Variants in CENPM observed in about 807,000 individuals in gnomAD.
CENPM encodes interphase centromere complex protein 39.
In CENPM, 14 loss-of-function variants were observed where a neutral mutation model predicts 19.6. The ratio of observed to expected loss-of-function variants is 0.71; its 90% CI spans 0.47 to 1.11. The LOEUF (loss-of-function observed/expected upper bound fraction) is 1.11, where lower values mean the gene tolerates loss of function less well. CENPM is among the 50% of genes most tolerant of loss of function. The pLI, the probability that CENPM is intolerant of heterozygous loss-of-function variation, is 0.00. For synonymous variants in CENPM, 114 were observed against 101.5 expected (o/e 1.12, Z -0.74); for missense variants, 239 against 228.4 (o/e 1.05, Z -0.30).
chr22:41,942,153 G>A (rs1319358759), intron 5 of CENPM, among the ~76,000 whole-genome samples: 5 of 152,206 alleles, frequency 3.3e-5, no homozygotes, highest in Non-Finnish European at 7.3e-5. Context: ...TCTTCGAAAT[G>A]TATCTCAAAA....
chr22:41,928,835 C>T, the CENPM span, among the ~76,000 whole-genome samples: 1 of 148,862 alleles, frequency 6.7e-6, no homozygotes. This position sits in a 1 kb window ranked among gnomAD's most constrained non-coding sequence, Gnocchi z 4.0. Flanking sequence ...GCACTGTGGC[C>T]CACGTCCAGG....
In CENPM at chr22:41,945,225, C is replaced by T. The variant is rs1362764438; in HGVS notation, c.310G>A (p.Ala104Thr). Residue 104 changes from alanine (A) to threonine (T), a missense_variant and splice_region_variant, in exon 4 of 6, where the codon GCT becomes ACT. Coordinates refer to ENST00000215980, the MANE Select transcript of CENPM (RefSeq NM_024053.5). ...LGKVCFLATGAGRESHCSIHR... is the reference protein window; with the variant it reads ...LGKVCFLATGTGRESHCSIHR... ...AGTAACAGGCGAGGAACGTACTTAC[C>T]ACCTGTGGCGAGGAAACACACCTTC... The T allele has an allele frequency of 6.2e-7, 1 of 1,613,962 alleles. No individual in the cohort carries two copies. Among genetic ancestry groups the T allele is most frequent in the Admixed American group, 1.7e-5 (1 of 60,000 alleles).
At chr22:41,931,518 TGG>T in the CENPM span, among the ~76,000 whole-genome samples, 1 of 151,988 alleles carries the variant, frequency 6.6e-6, no homozygotes, top group Non-Finnish European at 1.5e-5. Flanking sequence ...CAAGATAGTT[TGG>T]GGTCTTCAGA....
intron 3 of CENPM, 147 bp from the exon 4 acceptor site, chr22:41,945,451 T>G: frequency 7.4e-7 from 1 of 1,347,534 alleles, no homozygotes; most frequent in Non-Finnish European, 9.7e-7. Flanking sequence ...CCTTTAATTT[T>G]TTTTTTTTTT....
At position 41,947,019 on chromosome 22, in the gene CENPM, C is replaced by G. The variant is rs1369841193; in HGVS notation, c.57+1G>C. 5 of 1,612,822 alleles carry G rather than the reference C, an allele frequency of 3.1e-6. No homozygotes were observed. The Admixed American group carries it at 5.0e-5, about 16-fold the overall frequency. ...GGGGAAGCAGGGCCGCCTGCACCTA[C>G]CAAGATGGTGGCCGTGTTCAGGCCG... is the stretch of plus-strand genomic sequence containing the variant. On this transcript the variant is annotated splice_donor_variant, in intron 1 of 5. Coordinates refer to ENST00000215980, the MANE Select transcript of CENPM (RefSeq NM_024053.5). LOFTEE classifies it high-confidence loss of function.
intron 4 of CENPM, chr22:41,944,764 C>T: frequency 1.0e-6 from 1 of 985,350 alleles, no homozygotes; most frequent in South Asian, 4.7e-5. Flanking sequence ...AGGCAGAGGC[C>T]AAACTGCAAA....
At chr22:41,945,372 G>T (rs1306017079) in intron 3 of CENPM, 68 bp from the exon 4 acceptor site, 1 of 1,600,758 alleles carries the variant, frequency 6.2e-7, no homozygotes. Flanking sequence ...GAAAGCAGAA[G>T]TCCTTGCTTC....
chr22:41,934,123 C>G (rs1283956567), downstream of CENPM, among the ~76,000 whole-genome samples: 1 of 152,198 alleles, frequency 6.6e-6, no homozygotes, highest in Non-Finnish European at 1.5e-5. Context: ...ACCACTTCCC[C>G]TCTGCAGCTG....
the CENPM span, among the ~76,000 whole-genome samples, chr22:41,929,268 C>T: frequency 1.3e-5 from 2 of 152,134 alleles, no homozygotes; most frequent in African/African-American, 2.4e-5. Context: ...CCCACATACA[C>T]GTCCATCCAT....
chr22:41,937,160 G>A (rs1419081268), downstream of CENPM, among the ~76,000 whole-genome samples: 2 of 152,126 alleles, frequency 1.3e-5, no homozygotes, highest in African/African-American at 4.8e-5. Context: ...TAGACCCAAG[G>A]GAGAAGGAAA....
At chr22:41,941,842 C>A (rs140836298) in intron 5 of CENPM, among the ~76,000 whole-genome samples, 1 of 152,202 alleles carries the variant, frequency 6.6e-6, no homozygotes, top group African/African-American at 2.4e-5. Context: ...GTATCATGAT[C>A]GATGCATCGA....
At chr22:41,946,221 C>A (rs2077799771) in intron 2 of CENPM, 196 bp downstream of exon 2, 1 of 648,310 alleles carries the variant, frequency 1.5e-6, no homozygotes, top group Middle Eastern at 3.4e-4. Context: ...CTGCCAGAAA[C>A]GGGCTCTGTT....
At chr22:41,932,681 G>A in the CENPM span, among the ~76,000 whole-genome samples, 1 of 152,220 alleles carries the variant, frequency 6.6e-6, no homozygotes, top group Non-Finnish European at 1.5e-5. This position sits in a 1 kb window ranked among gnomAD's most constrained non-coding sequence, Gnocchi z 4.3. Flanking sequence ...CAGCCCTTTA[G>A]CCACAGGGAG....
At chr22:41,936,652 C>T (rs1442353363), downstream of CENPM, among the ~76,000 whole-genome samples, 2 of 152,280 alleles carry the variant, frequency 1.3e-5, no homozygotes, top group African/African-American at 2.4e-5. Flanking sequence ...TTAGGCCGGC[C>T]GCGGTGACTC....
chr22:41,942,526 G>A (rs978442771), intron 5 of CENPM, among the ~76,000 whole-genome samples: 8 of 152,044 alleles, frequency 5.3e-5, no homozygotes, highest in African/African-American at 1.4e-4. Flanking sequence ...CGAGGCGGGC[G>A]GATCACGAGG....
In CENPM at chr22:41,939,053, C is replaced by A. The variant is rs1362878251; in HGVS notation, c.*3G>T. 2 of 1,612,658 alleles carry A rather than the reference C, an allele frequency of 1.2e-6. No homozygotes were observed. The highest frequency in any genetic ancestry group is 4.5e-5 in the East Asian group (2 of 44,872). On this transcript the variant is annotated 3_prime_UTR_variant, in exon 6 of 6. Transcript: ENST00000215980. ...GAAGGGGCAGCCCAGGGGCCAGCCA[C>A]CCTCACAGGTCCTCCAGGGAGGGGC...
chr22:41,935,694 G>C (rs1487774122), downstream of CENPM, among the ~76,000 whole-genome samples: 3 of 152,130 alleles, frequency 2.0e-5, no homozygotes, highest in East Asian at 5.8e-4. Context: ...CTGCTCCCAC[G>C]CTAAGGGCCT....
At chr22:41,927,446 A>G in the CENPM span, among the ~76,000 whole-genome samples, 3 of 149,694 alleles carry the variant, frequency 2.0e-5, no homozygotes, top group Admixed American at 6.7e-5. Context: ...ATCTCCCCCA[A>G]CCCACCTGTC....
At chr22:41,940,228 C>T in intron 5 of CENPM, 1 of 732,706 alleles carries the variant, frequency 1.4e-6, no homozygotes, top group Non-Finnish European at 2.5e-6. Flanking sequence ...CTGCCTACTT[C>T]CTTCAGGTCT....
Sources: allele counts gnomAD v4.1 joint callset (sites outside exome capture counted in the v4.1 genomes callset), GRCh38; gene constraint gnomAD v4.1.1; non-coding constraint Gnocchi (gnomAD v3.1); transcripts MANE v1.5; gene names NCBI Gene and HGNC (gene_info 2026-07-23, HGNC 2026-07-21).